Variants in CFAP61 observed in about 807,000 individuals in gnomAD.
The protein encoded by CFAP61 is cilia- and flagella-associated protein 61.
A neutral mutation model predicts 135.6 loss-of-function variants in CFAP61; 107 were observed. That is an observed-to-expected ratio of 0.79 (90% CI 0.67 to 0.93). The LOEUF is 0.93. Among genes scored for constraint, CFAP61 ranks in the 40% least tolerant of loss-of-function variants. The pLI is 0.00. For synonymous variants in CFAP61, 575 were observed against 578.5 expected (o/e 0.99, Z 0.09); for missense variants, 1,507 against 1,556.2 (o/e 0.97, Z 0.53).
chr20:20,269,399 T>C (rs1056162265), intron 21 of CFAP61, among the ~76,000 whole-genome samples: 2 of 151,810 alleles, frequency 1.3e-5, no homozygotes, highest in African/African-American at 4.8e-5. Flanking sequence ...ATAGACAGAA[T>C]CTTGCTCTGC....
At chr20:20,317,418 C>T (rs1433805925) in intron 25 of CFAP61, among the ~76,000 whole-genome samples, 3 of 152,192 alleles carry the variant, frequency 2.0e-5, no homozygotes, top group South Asian at 2.1e-4. Context: ...TGCTGCTCAG[C>T]GGTGTCCCCA....
At chr20:20,160,297 G>A (rs1284373366) in intron 10 of CFAP61, among the ~76,000 whole-genome samples, 1 of 152,118 alleles carries the variant, frequency 6.6e-6, no homozygotes, top group Non-Finnish European at 1.5e-5. Context: ...TGGAACATGG[G>A]GCTTGGTCAT....
chr20:20,243,146 C>T (rs886589071), intron 18 of CFAP61, among the ~76,000 whole-genome samples: 26 of 152,222 alleles, frequency 1.7e-4, no homozygotes, highest in East Asian at 5.8e-4. Context: ...CTTACATGGA[C>T]GGCAGCAGGC....
chr20:20,285,289 G>T (rs2145054), intron 22 of CFAP61, among the ~76,000 whole-genome samples: 121,952 of 148,604 alleles, frequency 0.82, 50,211 homozygotes, highest in Middle Eastern at 0.87. Flanking sequence ...TGTTTTTTTT[G>T]TTTTTAATTT....
At chr20:20,177,336 G>GCACT (rs3060456) in intron 13 of CFAP61, among the ~76,000 whole-genome samples, 2 of 151,810 alleles carry the variant, frequency 1.3e-5, no homozygotes, top group African/African-American at 2.4e-5. Flanking sequence ...AACTCAGAAT[G>GCACT]GCTTCCACTG....
intron 23 of CFAP61, among the ~76,000 whole-genome samples, chr20:20,289,707 G>A (rs1336581936): frequency 6.6e-6 from 1 of 152,166 alleles, no homozygotes. Context: ...AGCCCCACAA[G>A]GTCTTGCTCT....
intron 22 of CFAP61, among the ~76,000 whole-genome samples, chr20:20,283,465 G>T (rs2054347661): frequency 6.6e-6 from 1 of 152,206 alleles, no homozygotes; most frequent in Middle Eastern, 3.4e-3. Context: ...TCTCTTGTAG[G>T]CATCATAAAG....
chr20:20,303,233 G>A (rs146401101), intron 25 of CFAP61, among the ~76,000 whole-genome samples: 1 of 152,170 alleles, frequency 6.6e-6, no homozygotes, highest in Non-Finnish European at 1.5e-5. Context: ...GGCCCTACCT[G>A]GTTTGTTTCT....
chr20:20,244,394 C>T (rs1601590533), intron 18 of CFAP61, among the ~76,000 whole-genome samples: 1 of 152,238 alleles, frequency 6.6e-6, no homozygotes, highest in East Asian at 1.9e-4. Context: ...TCTCAAACCT[C>T]AATTCTTGAC....
At chr20:20,338,401 C>A (rs1370926430) in intron 25 of CFAP61, among the ~76,000 whole-genome samples, 1 of 152,194 alleles carries the variant, frequency 6.6e-6, no homozygotes, top group Non-Finnish European at 1.5e-5. Flanking sequence ...GTGAACAGCT[C>A]TAAAAGTAGA....
chr20:20,289,024 C>G (rs1237625679), intron 23 of CFAP61, 88 bp downstream of exon 23: 4 of 1,091,608 alleles, frequency 3.7e-6, no homozygotes, highest in Admixed American at 2.5e-5. Flanking sequence ...TTCTCTTAGG[C>G]TTGGGGAAAA....
In CFAP61 at chr20:20,309,521, G is replaced by A. The variant is rs376507614; in HGVS notation, c.3422+11135G>A. Among the ~76,000 whole-genome samples the A allele has an allele frequency of 2.6e-5, 4 of 152,250 alleles. No homozygotes were observed. The East Asian group carries it at 7.7e-4, about 29-fold the overall frequency. ...GAGGCAAGGGAGAACCAGAGTGGCC[G>A]GGCTTTCCACGTGCCACAACCAAGA... is the stretch of plus-strand genomic sequence containing the variant. On this transcript the variant is annotated intron_variant, in intron 25 of 26. Transcript: ENST00000245957.
chr20:20,306,886 C>T (rs988505353), intron 25 of CFAP61, among the ~76,000 whole-genome samples: 11 of 152,248 alleles, frequency 7.2e-5, no homozygotes, highest in Admixed American at 2.6e-4. Flanking sequence ...CCCAGAAGAC[C>T]GTGCTGAAAT....
In CFAP61 at chr20:20,229,028, G is replaced by A. The variant is rs185429109; in HGVS notation, c.2060+652G>A. ...CCTTTCTTCCAGCCCTTGAATTTTGGATCCCCTGGAACAGGTAAAACCCTT... is the reference window on the plus strand; with the variant it reads ...CCTTTCTTCCAGCCCTTGAATTTTGAATCCCCTGGAACAGGTAAAACCCTT... On this transcript the variant is annotated intron_variant, in intron 18 of 26. Coordinates refer to ENST00000245957, the MANE Select transcript of CFAP61 (RefSeq NM_015585.4). Among the ~76,000 whole-genome samples, 320 of 152,310 alleles carry A rather than the reference G, an allele frequency of 2.1e-3. 2 individuals are homozygous for A. Among genetic ancestry groups the A allele is most frequent in the African/African-American group, 7.2e-3 (300 of 41,574 alleles).
intron 13 of CFAP61, among the ~76,000 whole-genome samples, chr20:20,182,554 C>A (rs1601237507): frequency 6.6e-6 from 1 of 152,168 alleles, no homozygotes; most frequent in African/African-American, 2.4e-5. Context: ...ATCCCCAGCA[C>A]CCAAAACACG....
At position 20,064,480 on chromosome 20, in the gene CFAP61, A is replaced by T. The variant is rs142059316; in HGVS notation, c.144-6374A>T. ...GTGATGCAGTGACAGTCGATCTGGT[A>T]ACAGAAGGCAGTTACCAGATCTAAT... is the stretch of plus-strand genomic sequence containing the variant. On this transcript the variant is annotated intron_variant, in intron 2 of 26. Coordinates refer to ENST00000245957, the MANE Select transcript of CFAP61 (RefSeq NM_015585.4). 8.5e-4 allele frequency among the ~76,000 whole-genome samples: 130 copies of T among 152,270 alleles called. 1 individual carries two copies. The South Asian group carries it at 0.012, about 14-fold the overall frequency.
chr20:20,172,518 A>G (rs1369855984), intron 13 of CFAP61, among the ~76,000 whole-genome samples: 1 of 151,854 alleles, frequency 6.6e-6, no homozygotes, highest in Non-Finnish European at 1.5e-5. Flanking sequence ...GGGTTTCATC[A>G]TGTTGCCCAG....
intron 25 of CFAP61, among the ~76,000 whole-genome samples, chr20:20,329,632 T>G (rs2057903301): frequency 6.6e-6 from 1 of 152,176 alleles, no homozygotes; most frequent in Non-Finnish European, 1.5e-5. Context: ...TGGCTTTCCA[T>G]CACTTGGGAG....
chr20:20,174,472 C>T, intron 13 of CFAP61, among the ~76,000 whole-genome samples: 1 of 152,332 alleles, frequency 6.6e-6, no homozygotes, highest in East Asian at 1.9e-4. Flanking sequence ...GCATAGATCT[C>T]CTCTTTAATT....
Sources: allele counts gnomAD v4.1 joint callset (sites outside exome capture counted in the v4.1 genomes callset), GRCh38; gene constraint gnomAD v4.1.1; transcripts MANE v1.5; gene names NCBI Gene and HGNC (gene_info 2026-07-23, HGNC 2026-07-21).